Variants in CEP85L observed in about 807,000 individuals in gnomAD.
The protein encoded by CEP85L is centrosomal protein 85L, also known as centrosomal protein of 85 kDa-like.
In CEP85L, 60 loss-of-function variants were observed where a neutral mutation model predicts 100.3. The observed-to-expected ratio is 0.60, with a 90% confidence interval of 0.49 to 0.74. The LOEUF is 0.74. Ranked by LOEUF, CEP85L falls within the 30% of genes least tolerant of loss-of-function variation. CEP85L has a pLI of 0.00. For missense variants in CEP85L, 973 were observed against 936.2 expected (o/e 1.04, Z -0.51); for synonymous variants, 319 against 322.7 (o/e 0.99, Z 0.12).
chr6:118,653,837 GA>G (rs565542864), upstream of CEP85L, among the ~76,000 whole-genome samples: 27 of 151,612 alleles, frequency 1.8e-4, no homozygotes, highest in South Asian at 5.6e-3. Flanking sequence ...GACTTTTTAA[GA>G]ATATAAACTA....
chr6:118,625,825 C>T (rs549363188), intron 2 of CEP85L, among the ~76,000 whole-genome samples: 15 of 152,270 alleles, frequency 9.9e-5, no homozygotes, highest in African/African-American at 3.6e-4. Context: ...CGCCTTCGGT[C>T]CCTGTATTTT....
intron 2 of CEP85L, among the ~76,000 whole-genome samples, chr6:118,604,128 C>T (rs1772011590): frequency 6.6e-6 from 1 of 152,196 alleles, no homozygotes; most frequent in African/African-American, 2.4e-5. Context: ...ACCAAATAAG[C>T]CAAATTTCAC....
intron 1 of CEP85L, among the ~76,000 whole-genome samples, chr6:118,680,271 G>GAA (rs374032688): frequency 9.1e-6 from 1 of 109,766 alleles, no homozygotes. Flanking sequence ...CCAGCCTGGG[G>GAA]AAAAAAAAAA....
chr6:118,511,442 T>G (rs1203524651), intron 4 of CEP85L, 27 bp from the exon 5 acceptor site: 1 of 1,416,302 alleles, frequency 7.1e-7, no homozygotes, highest in African/African-American at 1.4e-5. Context: ...AAGGTCACAT[T>G]ATGAGTTATA....
At chr6:118,538,921 T>A (rs1583005480) in intron 3 of CEP85L, among the ~76,000 whole-genome samples, 1 of 151,924 alleles carries the variant, frequency 6.6e-6, no homozygotes, top group African/African-American at 2.4e-5. Flanking sequence ...GGAAAAAAAA[T>A]TAATGATATA....
chr6:118,474,709 G>A (rs1025219235), intron 10 of CEP85L, among the ~76,000 whole-genome samples: 1 of 152,178 alleles, frequency 6.6e-6, no homozygotes, highest in African/African-American at 2.4e-5. Flanking sequence ...AAGAGATTTT[G>A]CCTGAGGAAA....
intron 1 of CEP85L, among the ~76,000 whole-genome samples, chr6:118,707,972 G>A (rs918286914): frequency 2.0e-5 from 3 of 149,546 alleles, no homozygotes; most frequent in East Asian, 1.9e-4. Flanking sequence ...TGCTTTTTTG[G>A]GGGGGGGACG....
intron 5 of CEP85L, among the ~76,000 whole-genome samples, chr6:118,509,472 T>C (rs1775846020): frequency 6.6e-6 from 1 of 152,108 alleles, no homozygotes; most frequent in Non-Finnish European, 1.5e-5. Flanking sequence ...TGAGACCAAA[T>C]TATAACATGA....
At chr6:118,587,941 T>C (rs931894593) in intron 2 of CEP85L, among the ~76,000 whole-genome samples, 32 of 152,206 alleles carry the variant, frequency 2.1e-4, no homozygotes, top group African/African-American at 7.7e-4. Context: ...AGCCACAACT[T>C]AGAACCATCC....
rs181727742 is a variant in CEP85L at position 118,558,787 on chromosome 6, T to C, written c.1020+6742A>G. 1.7e-4 allele frequency: 120 copies of C among 714,036 alleles called. No homozygotes were observed. In the African/African-American group the frequency reaches 1.7e-3, roughly 10 times the overall value. The allele number at this position is 714,036 out of a possible 1,614,324, so 44.2% of individuals were successfully genotyped here. On this transcript the variant is annotated intron_variant, in intron 3 of 12. Transcript: ENST00000368491. ...TTTTTTGTTCTGAGGATAGGTTACA[T>C]AGATGATTCTAATCCATTTATTATT...
At chr6:118,642,383 T>C (rs893564545) in intron 1 of CEP85L, among the ~76,000 whole-genome samples, 4 of 152,196 alleles carry the variant, frequency 2.6e-5, no homozygotes, top group African/African-American at 9.7e-5. Flanking sequence ...GATCCAAAGA[T>C]CTGCTCAGAC....
intron 3 of CEP85L, among the ~76,000 whole-genome samples, chr6:118,535,470 T>C (rs901325881): frequency 6.6e-6 from 1 of 152,236 alleles, no homozygotes; most frequent in Non-Finnish European, 1.5e-5. Context: ...AATCGCAGTT[T>C]CACTTTCTCT....
At chr6:118,540,782 A>G (rs1245660796) in intron 3 of CEP85L, among the ~76,000 whole-genome samples, 3 of 151,780 alleles carry the variant, frequency 2.0e-5, no homozygotes, top group Non-Finnish European at 2.9e-5. Flanking sequence ...AAATAAATAA[A>G]TAAATAAATA....
chr6:118,480,632 A>T, intron 8 of CEP85L, 119 bp from the exon 9 acceptor site: 1 of 639,976 alleles, frequency 1.6e-6, no homozygotes, highest in Admixed American at 2.6e-5. Flanking sequence ...AAATGACATC[A>T]AGACCCACAG....
chr6:118,521,925 T>C (rs1004409375), intron 4 of CEP85L, among the ~76,000 whole-genome samples: 5 of 152,178 alleles, frequency 3.3e-5, no homozygotes, highest in African/African-American at 1.2e-4. Context: ...TTTATTATAT[T>C]ATGTCAATAA....
intron 1 of CEP85L, among the ~76,000 whole-genome samples, chr6:118,687,902 G>A (rs62423964): frequency 3.3e-5 from 5 of 152,012 alleles, no homozygotes; most frequent in South Asian, 2.1e-4. Context: ...GGCTGAGTGC[G>A]TGTGTTCATC....
intron 1 of CEP85L, among the ~76,000 whole-genome samples, chr6:118,659,806 C>T (rs892914889): frequency 1.3e-5 from 2 of 152,238 alleles, no homozygotes; most frequent in African/African-American, 2.4e-5. Flanking sequence ...ACTGGAACAT[C>T]TAATCCCACC....
rs1054888204 is a variant in CEP85L, at chr6:118,482,002, T to C, written c.1591-69A>G. On this transcript the variant is annotated intron_variant, in intron 7 of 12. Transcript: ENST00000368491. The stretch of plus-strand genomic sequence containing the variant: ...ATACGCTTCTATTAGAAACTGTTAC[T>C]GTGTTGGCAAGGATTAACAGACTTG... 34 of 907,484 alleles carry C rather than the reference T, an allele frequency of 3.7e-5. No individual in the cohort carries two copies. The South Asian group carries it at 4.4e-4, about 12-fold the overall frequency. 56.2% of individuals were successfully genotyped at this position (907,484 alleles called of 1,614,324 possible). A position where few individuals can be genotyped will look rare whatever the true frequency, so the allele number is the denominator to read the frequency against.
upstream of CEP85L, chr6:118,652,427 C>G: frequency 3.5e-6 from 4 of 1,154,754 alleles, no homozygotes; most frequent in South Asian, 8.9e-5. Context: ...TATGGTGATG[C>G]TTCCAACGTT....
Sources: allele counts gnomAD v4.1 joint callset (sites outside exome capture counted in the v4.1 genomes callset), GRCh38; gene constraint gnomAD v4.1.1; transcripts MANE v1.5; gene names NCBI Gene and HGNC (gene_info 2026-07-23, HGNC 2026-07-21).